The following TPM1 variants were observed in gnomAD, a reference collection of about 807,000 sequenced individuals.
The protein encoded by TPM1 is tropomyosin alpha-1 chain.
TPM1 carries 24 observed loss-of-function variants against 42.9 expected under a neutral mutation model. The observed-to-expected ratio is 0.56, with a 90% CI of 0.41 to 0.79. The LOEUF is 0.79. Among genes scored for constraint, TPM1 ranks in the 30% least tolerant of loss-of-function variants. TPM1 has a pLI of 0.00. For synonymous variants in TPM1, 136 were observed against 130.1 expected (o/e 1.05, Z -0.31); for missense variants, 158 against 351.8 (o/e 0.45, Z 4.41).
Position 63,048,307 on chromosome 15 carries a change from G to A in TPM1, c.240+4155G>A, listed in dbSNP as rs1316156766. ...CGGGAGCGCCTTTCTCCCCGCCGCC[G>A]CGAGCATGCGCAGTGCCCCCAGCCA... On this transcript the variant is annotated intron_variant, in intron 2 of 9. Coordinates refer to ENST00000403994, the MANE Select transcript of TPM1 (RefSeq NM_001018005.2). 3.3e-6 allele frequency: 3 copies of A among 898,508 alleles called. No individual in the cohort carries two copies. In the South Asian group the frequency reaches 4.3e-5, roughly 13 times the overall value. 55.7% of individuals were successfully genotyped at this position (898,508 alleles called of 1,614,324 possible).
intron 3 of TPM1, among the ~76,000 whole-genome samples, chr15:63,057,701 G>C (rs1412393850): frequency 6.6e-6 from 1 of 152,182 alleles, no homozygotes; most frequent in African/African-American, 2.4e-5. Flanking sequence ...ACTGTAATCT[G>C]GCTGTAGCTG....
chr15:63,065,506 C>T, intron 9 of TPM1: 1 of 985,432 alleles, frequency 1.0e-6, no homozygotes, highest in South Asian at 4.7e-5. Flanking sequence ...AATGTGTCTT[C>T]TCATCCCTCA....
At chr15:63,062,516 A>G in intron 7 of TPM1, 60 bp from the exon 8 acceptor site, 3 of 1,579,374 alleles carry the variant, frequency 1.9e-6, no homozygotes, top group East Asian at 2.2e-5. Flanking sequence ...AGTTTTCCCT[A>G]TGTTTGTAGC....
At chr15:63,066,378 C>T (rs1344476605), downstream of TPM1, among the ~76,000 whole-genome samples, 2 of 152,170 alleles carry the variant, frequency 1.3e-5, no homozygotes, top group African/African-American at 2.4e-5. Context: ...ATTGTGATGG[C>T]TCTGCTTTGC....
At position 63,062,816 on chromosome 15, in the gene TPM1, G is replaced by A. The variant is rs779124171; in HGVS notation, c.772+171G>A. ...GTGGCTCTTGAACTCATGAACCTAA[G>A]TCTTCTGCTCACGAGGTGACTAGTT... is the stretch of plus-strand genomic sequence containing the variant. On this transcript the variant is annotated intron_variant, in intron 8 of 9. Transcript: ENST00000403994. 1.8e-4 allele frequency: 284 copies of A among 1,538,760 alleles called. No individual in the cohort carries two copies. Among genetic ancestry groups the A allele is most frequent in the Non-Finnish European group, 2.3e-4 (262 of 1,146,918 alleles).
intron 2 of TPM1, chr15:63,048,137 A>C (rs898627357): frequency 2.3e-6 from 1 of 437,128 alleles, no homozygotes; most frequent in Non-Finnish European, 4.5e-6. Context: ...TCCCGCGGCC[A>C]GCAGGAGTCG....
chr15:63,054,439 G>C (rs1226338678), intron 2 of TPM1: 1 of 152,230 alleles, frequency 6.6e-6, no homozygotes. Flanking sequence ...CCTTTGGGTA[G>C]GAAGATCTCA....
At chr15:63,064,410 T>G in intron 9 of TPM1, 1 of 1,302,120 alleles carries the variant, frequency 7.7e-7, no homozygotes, top group Non-Finnish European at 9.8e-7. Flanking sequence ...TGAGTGACCT[T>G]GAGCACTGTC....
chr15:63,067,121 G>T (rs2036324281), downstream of TPM1, among the ~76,000 whole-genome samples: 1 of 151,788 alleles, frequency 6.6e-6, no homozygotes, highest in Non-Finnish European at 1.5e-5. Flanking sequence ...TTTTAACATG[G>T]ATGATCTGCA....
Position 63,044,624 on chromosome 15 carries a change from C to T in TPM1, c.240+472C>T, listed in dbSNP as rs992656593. 3 of 272,282 alleles carry T rather than the reference C, an allele frequency of 1.1e-5. No individual in the cohort carries two copies. The Admixed American group carries it at 1.4e-4, about 13-fold the overall frequency. 16.9% of individuals were successfully genotyped at this position (272,282 alleles called of 1,614,324 possible). On this transcript the variant is annotated intron_variant, in intron 2 of 9. Transcript: ENST00000403994. ...CCTCTAAATGAAAGAAATGACACAG[C>T]GGTACCTTTACTTAGATGGCTGCAC...
intron 2 of TPM1, chr15:63,048,397 G>A: frequency 7.4e-7 from 1 of 1,355,108 alleles, no homozygotes. Context: ...TGTCTGCGCA[G>A]CCCTGGAGGC....
chr15:63,050,667 T>C (rs181017921), intron 2 of TPM1, among the ~76,000 whole-genome samples: 1 of 152,330 alleles, frequency 6.6e-6, no homozygotes, highest in East Asian at 1.9e-4. Flanking sequence ...ACAATCTACC[T>C]GGGTGATTGA....
downstream of TPM1, among the ~76,000 whole-genome samples, chr15:63,067,924 C>CTCCA (rs756756829): frequency 9.8e-5 from 15 of 152,312 alleles, no homozygotes; most frequent in Admixed American, 2.6e-4. Flanking sequence ...TGCACACCAG[C>CTCCA]TCCACAGCAG....
In TPM1 at chr15:63,062,291, T is replaced by C; in HGVS notation, c.702+14T>C. On this transcript the variant is annotated intron_variant, in intron 7 of 9. Coordinates refer to ENST00000403994, the MANE Select transcript of TPM1 (RefSeq NM_001018005.2). Reference sequence around the variant, plus strand: ...AAGCTGAAGGAGGTAATATGAGAGTTGTGGATGAAGCCAACTGGATTTTAA... The same window carrying C: ...AAGCTGAAGGAGGTAATATGAGAGTCGTGGATGAAGCCAACTGGATTTTAA... 2 of 1,613,300 alleles carry C rather than the reference T, an allele frequency of 1.2e-6. No individual in the cohort carries two copies. The highest frequency in any genetic ancestry group is 1.7e-6 in the Non-Finnish European group (2 of 1,179,268).
rs1012408339 is a variant in TPM1 at position 63,065,010 on chromosome 15, T to A, written c.851+868T>A. On this transcript the variant is annotated intron_variant, in intron 9 of 9. Transcript: ENST00000403994. ...AGAGTAAAAAGAACCCTCTGCTGAGTAACCAAGCCTTTAATTTTGTGTTTT... is the reference window on the plus strand; with the variant it reads ...AGAGTAAAAAGAACCCTCTGCTGAGAAACCAAGCCTTTAATTTTGTGTTTT... 1.0e-5 allele frequency: 10 copies of A among 985,186 alleles called. No individual in the cohort carries two copies. The African/African-American group carries it at 1.7e-4, about 17-fold the overall frequency. The allele number at this position is 985,186 out of a possible 1,614,324, so 61.0% of individuals were successfully genotyped here.
At chr15:63,053,402 CAGG>C (rs1253330252) in intron 2 of TPM1, among the ~76,000 whole-genome samples, 4 of 152,050 alleles carry the variant, frequency 2.6e-5, no homozygotes, top group Non-Finnish European at 5.9e-5. Context: ...TCCGGGAAGC[CAGG>C]AGAAGTGACA....
Position 63,063,235 on chromosome 15 carries a change from A to G in TPM1, c.772+590A>G, listed in dbSNP as rs558861959. ...AAATGTTGAGCTTTGAAGCTTGTGA[A>G]GGATTAGCTGTGAACAAGAAAGAAA... On this transcript the variant is annotated intron_variant, in intron 8 of 9. Transcript: ENST00000403994. The G allele has an allele frequency of 4.1e-6, 4 of 985,456 alleles. No homozygotes were observed. In the African/African-American group the frequency reaches 7.0e-5, roughly 17 times the overall value. 61.0% of individuals were successfully genotyped at this position (985,456 alleles called of 1,614,324 possible).
intron 2 of TPM1, chr15:63,049,295 A>G (rs1214473207): frequency 1.2e-5 from 2 of 161,988 alleles, no homozygotes; most frequent in South Asian, 1.5e-4. Context: ...CTATAGTGCA[A>G]AACCCTTAAC....
At chr15:63,048,756 G>T (rs1199725545) in intron 2 of TPM1, 17 of 1,518,232 alleles carry the variant, frequency 1.1e-5, no homozygotes, top group Non-Finnish European at 1.5e-5. Flanking sequence ...GCATCCTCCC[G>T]GGGCAGCCCC....
Sources: allele counts gnomAD v4.1 joint callset (sites outside exome capture counted in the v4.1 genomes callset), GRCh38; gene constraint gnomAD v4.1.1; transcripts MANE v1.5; gene names NCBI Gene and HGNC (gene_info 2026-07-23, HGNC 2026-07-21).